DLG2: variants seen among roughly 807,000 people sequenced by gnomAD.
The protein encoded by DLG2 is discs large MAGUK scaffold protein 2.
In DLG2, 45 loss-of-function variants were observed where a neutral mutation model predicts 132.5. That is an observed-to-expected ratio of 0.34 (90% CI 0.27 to 0.44). DLG2 has a LOEUF of 0.44. Among genes scored for constraint, DLG2 ranks in the 20% least tolerant of loss-of-function variants. DLG2 has a pLI of 1.00. For synonymous variants in DLG2, 424 were observed against 419.6 expected, an observed-to-expected ratio of 1.01 and a Z score of -0.13; for missense variants, 1,045 against 1,196.9, an observed-to-expected ratio of 0.87 and a Z score of 1.87.
chr11:84,509,371 T>A (rs1383418505), intron 7 of DLG2, among the ~76,000 whole-genome samples: 2 of 152,212 alleles, frequency 1.3e-5, no homozygotes, highest in African/African-American at 4.8e-5. Context: ...ATTCCAAACT[T>A]ACTGTTCCCA....
At chr11:84,046,550 A>G (rs529864433) in intron 11 of DLG2, among the ~76,000 whole-genome samples, 1 of 151,690 alleles carries the variant, frequency 6.6e-6, no homozygotes, top group East Asian at 1.9e-4. Context: ...TCATATGTAT[A>G]TACCTTCATT....
At chr11:83,833,522 T>G (rs2055192182) in intron 17 of DLG2, 92 bp downstream of exon 17, 1 of 1,347,852 alleles carries the variant, frequency 7.4e-7, no homozygotes, top group African/African-American at 1.5e-5. Context: ...CCTTTGTAAT[T>G]AAGGTGCTTT....
At chr11:83,513,645 G>A (rs1157881914) in intron 21 of DLG2, among the ~76,000 whole-genome samples, 1 of 152,072 alleles carries the variant, frequency 6.6e-6, no homozygotes, top group Non-Finnish European at 1.5e-5. Flanking sequence ...TTTCTTCTAG[G>A]GTTTTTATGG....
At chr11:83,879,470 T>C (rs2065598672) in intron 15 of DLG2, among the ~76,000 whole-genome samples, 2 of 152,210 alleles carry the variant, frequency 1.3e-5, no homozygotes, top group South Asian at 4.1e-4. Context: ...ATCCATCATT[T>C]ATTTAATCTA....
At position 84,125,542 on chromosome 11, in the gene DLG2, T is replaced by C. The variant is rs534070186; in HGVS notation, c.625-26495A>G. On this transcript the variant is annotated intron_variant, in intron 9 of 27. Coordinates refer to ENST00000376104, the MANE Select transcript of DLG2 (RefSeq NM_001142699.3). ...TCTTTAGGGTCAGCAAATTTTGAGA[T>C]GGGGGCAAGTCAGCTGTAGGGGGGT... 1.8e-4 allele frequency among the ~76,000 whole-genome samples: 27 copies of C among 152,078 alleles called. No homozygotes were observed. In the South Asian group the frequency reaches 5.4e-3, roughly 30 times the overall value.
intron 3 of DLG2, among the ~76,000 whole-genome samples, chr11:85,533,006 T>TG (rs1335694771): frequency 1.3e-5 from 2 of 148,958 alleles, no homozygotes; most frequent in Non-Finnish European, 3.0e-5. Flanking sequence ...CCTAAGGTGT[T>TG]TTTGTTGTTG....
chr11:83,748,768 G>A (rs529619871), intron 18 of DLG2, among the ~76,000 whole-genome samples: 9 of 152,154 alleles, frequency 5.9e-5, no homozygotes, highest in Non-Finnish European at 8.8e-5. Flanking sequence ...TTATATTGGC[G>A]GTAGAAAATA....
chr11:83,555,140 G>A (rs879790468), intron 19 of DLG2, among the ~76,000 whole-genome samples: 1 of 152,214 alleles, frequency 6.6e-6, no homozygotes, highest in Non-Finnish European at 1.5e-5. Context: ...CAGCAGGGTG[G>A]GCAGAGGGAG....
rs184123310 is a variant in DLG2, at chr11:84,679,665, G to A, written c.358-144934C>T. 3.9e-5 allele frequency among the ~76,000 whole-genome samples: 6 copies of A among 152,170 alleles called. 1 individual carries two copies. In the East Asian group the frequency reaches 1.2e-3, roughly 29 times the overall value. On this transcript the variant is annotated intron_variant, in intron 6 of 27. Coordinates refer to ENST00000376104, the MANE Select transcript of DLG2 (RefSeq NM_001142699.3). ...TATTGAGAGTTTACTATATGTCAAA[G>A]TCTGTTCTAAACGCTTCGTATATAT...
chr11:84,140,608 C>T (rs60721825), intron 9 of DLG2, among the ~76,000 whole-genome samples: 2,936 of 152,136 alleles, frequency 0.019, 75 homozygotes, highest in African/African-American at 0.066. Context: ...GGCAATGTTA[C>T]GGAGCTTTGA....
intron 11 of DLG2, among the ~76,000 whole-genome samples, chr11:84,053,103 T>C (rs1004998418): frequency 4.6e-5 from 7 of 152,162 alleles, no homozygotes; most frequent in South Asian, 2.1e-4. Flanking sequence ...AAGGAGATCA[T>C]GTCCTTTGCA....
At chr11:84,696,904 T>C (rs1331233507) in intron 6 of DLG2, among the ~76,000 whole-genome samples, 2 of 151,446 alleles carry the variant, frequency 1.3e-5, no homozygotes, top group Middle Eastern at 3.4e-3. Context: ...TATAATAATT[T>C]TACATATAAG....
intron 8 of DLG2, among the ~76,000 whole-genome samples, chr11:84,192,283 A>G (rs1354289026): frequency 6.6e-6 from 1 of 152,242 alleles, no homozygotes; most frequent in Non-Finnish European, 1.5e-5. Flanking sequence ...TAATGGTAAG[A>G]TAATTTGGGG....
chr11:84,806,996 G>A, intron 6 of DLG2, among the ~76,000 whole-genome samples: 1 of 152,058 alleles, frequency 6.6e-6, no homozygotes, highest in Non-Finnish European at 1.5e-5. Context: ...TTAATACTTA[G>A]CCCAACACCT....
intron 3 of DLG2, among the ~76,000 whole-genome samples, chr11:85,472,034 C>T (rs935284511): frequency 6.6e-6 from 1 of 152,054 alleles, no homozygotes; most frequent in Non-Finnish European, 1.5e-5. Context: ...AGGGTGGGTC[C>T]CTGGTGAAAC....
chr11:84,673,693 A>G (rs1429850133), intron 6 of DLG2, among the ~76,000 whole-genome samples: 2 of 151,998 alleles, frequency 1.3e-5, no homozygotes, highest in Non-Finnish European at 2.9e-5. Context: ...TGGAAGAATT[A>G]GAAGAAAATT....
intron 4 of DLG2, among the ~76,000 whole-genome samples, chr11:85,162,450 A>C (rs985438786): frequency 1.3e-5 from 2 of 152,222 alleles, no homozygotes; most frequent in Non-Finnish European, 2.9e-5. Context: ...AAGGGAATAC[A>C]GAATGGTTAG....
intron 6 of DLG2, among the ~76,000 whole-genome samples, chr11:84,564,070 A>G (rs1409591017): frequency 6.6e-6 from 1 of 152,212 alleles, no homozygotes; most frequent in African/African-American, 2.4e-5. Flanking sequence ...AGAGGAAAAG[A>G]AAGAAGTCAG....
At chr11:85,268,862 A>C (rs1404569418) in intron 4 of DLG2, among the ~76,000 whole-genome samples, 3 of 152,260 alleles carry the variant, frequency 2.0e-5, no homozygotes, top group Non-Finnish European at 4.4e-5. Context: ...TGGTGGTTTT[A>C]AAATGATAGA....
Sources: gnomAD v4.1 joint callset for allele counts (sites outside exome capture counted in the v4.1 genomes callset) on GRCh38, gnomAD v4.1.1 for gene constraint, MANE v1.5 for transcripts, NCBI Gene and HGNC (gene_info 2026-07-23, HGNC 2026-07-21) for gene names.